The following PCNT variants were observed in gnomAD, a reference collection of about 807,000 sequenced individuals.
PCNT encodes the protein pericentrin, also known as kendrin.
Under a neutral mutation model 380.4 loss-of-function variants are expected in PCNT, and 319 were observed. The observed-to-expected ratio is 0.84, with a 90% CI of 0.77 to 0.92. The LOEUF is 0.92. Among genes scored for constraint, PCNT ranks in the 40% least tolerant of loss-of-function variants. The pLI is 0.00. For synonymous variants in PCNT, 1,845 were observed against 1,735.2 expected (o/e 1.06, Z -1.57); for missense variants, 4,400 against 4,255.3 (o/e 1.03, Z -0.95).
chr21:46,415,150 A>G (rs2086973260), intron 29 of PCNT, among the ~76,000 whole-genome samples: 1 of 152,176 alleles, frequency 6.6e-6, no homozygotes, highest in African/African-American at 2.4e-5. Flanking sequence ...CTGGGTCCAC[A>G]CTGCGTGCAC....
chr21:46,402,429 C>A lies in PCNT; in HGVS notation c.5061C>A (p.Asn1687Lys). The change falls in exon 27 of 47, where the codon AAC becomes AAA. Residue 1687 changes from asparagine to lysine, a missense_variant. Physicochemically the swap from Asn to Lys is moderately conservative, Grantham distance 94. Coordinates refer to ENST00000359568, the MANE Select transcript of PCNT (RefSeq NM_006031.6). ...LHLNLKLDMQ[N>K]SQTAVSLREL... ...TGAACTTAAAATTGGACATGCAGAA[C>A]AGCCAGACTGCTGTCAGCCTCAGAG... is the stretch of plus-strand genomic sequence containing the variant. 6.2e-7 allele frequency: 1 copy of A among 1,613,928 alleles called. No homozygotes were observed. Among genetic ancestry groups the A allele is most frequent in the Non-Finnish European group, 8.5e-7 (1 of 1,179,832 alleles).
chr21:46,365,721 T>TGTGGGGTTCTATTCACTGCC, intron 14 of PCNT, among the ~76,000 whole-genome samples: 1 of 112,446 alleles, frequency 8.9e-6, no homozygotes, highest in Non-Finnish European at 1.9e-5. Flanking sequence ...TGTTCACTGC[T>TGTGGGGTTCTATTCACTGCC]GTGGGGTTCT....
At chr21:46,389,005 C>T in intron 18 of PCNT, 121 bp downstream of exon 18, 1 of 1,450,246 alleles carries the variant, frequency 6.9e-7, no homozygotes, top group Non-Finnish European at 9.4e-7. Context: ...TCCTGGTTTC[C>T]TGCTAGTTTC....
Position 46,326,511 on chromosome 21 carries a change from C to T in PCNT, c.189C>T (p.Leu63=). 1.2e-6 allele frequency: 2 copies of T among 1,614,200 alleles called. No homozygotes were observed. Among genetic ancestry groups the T allele is most frequent in the Middle Eastern group, 1.6e-4 (1 of 6,062 alleles). ...CGGTAACCAAGGAGGACAGCGCACTCTGTGGAGGAGGGGACATTTGCAAAA... is the reference window on the plus strand; with the variant it reads ...CGGTAACCAAGGAGGACAGCGCACTTTGTGGAGGAGGGGACATTTGCAAAA... ...ESPVTKEDSA[L]CGGGDICKST... The change falls in exon 2 of 47, where the codon CTC becomes CTT. Residue 63 remains leucine, a synonymous_variant. Coordinates refer to ENST00000359568, the MANE Select transcript of PCNT (RefSeq NM_006031.6).
chr21:46,441,050 C>T lies in PCNT; in HGVS notation c.9589C>T (p.Arg3197Cys), dbSNP rs752616743. 28 of 1,613,816 alleles carry T rather than the reference C, an allele frequency of 1.7e-5. No homozygotes were observed. In the East Asian group the frequency reaches 1.8e-4, roughly 10 times the overall value. Residue 3197 changes from arginine (R) to cysteine (C), a missense_variant, in exon 43 of 47, where the codon CGC (arginine) becomes TGC (cysteine). Coordinates refer to ENST00000359568, the MANE Select transcript of PCNT (RefSeq NM_006031.6). Reference protein sequence around the residue: ...KITSRPFTRFRTAVRVVIAIL... With the variant: ...KITSRPFTRFCTAVRVVIAIL... Reference sequence around the variant, plus strand: ...CACATCTCGTCCTTTCACCAGGTTCCGCACGGCCGTCAGGGTGGTCATTGC... The same window carrying T: ...CACATCTCGTCCTTTCACCAGGTTCTGCACGGCCGTCAGGGTGGTCATTGC...
At chr21:46,368,213 A>G (rs889448294) in intron 15 of PCNT, among the ~76,000 whole-genome samples, 2 of 152,202 alleles carry the variant, frequency 1.3e-5, no homozygotes, top group Non-Finnish European at 2.9e-5. Context: ...TGGGAGGCCA[A>G]GGCGGGCAGA....
rs143511166 is a variant in PCNT, at chr21:46,425,823, C to T, written c.7180-8C>T. 1.8e-3 allele frequency: 2,942 copies of T among 1,613,344 alleles called. 7 individuals are homozygous for T. Among genetic ancestry groups the T allele is most frequent in the Non-Finnish European group, 2.1e-3 (2,432 of 1,179,974 alleles). On this transcript the variant is annotated splice_region_variant and splice_polypyrimidine_tract_variant and intron_variant, in intron 32 of 46. Transcript: ENST00000359568. The surrounding 1 kb of genome is among the most constrained non-coding windows in gnomAD (Gnocchi z 4.2). ...GCAACTCCCTTCTGACGCGCTTTCC[C>T]GCCACAGGCTTTACTGCAGATGGTG... is the stretch of plus-strand genomic sequence containing the variant.
Position 46,363,890 on chromosome 21 carries a change from C to T in PCNT, c.2565C>T (p.His855=), listed in dbSNP as rs1042019863. 4.3e-6 allele frequency: 7 copies of T among 1,611,848 alleles called. No homozygotes were observed. The highest frequency in any genetic ancestry group is 1.7e-5 in the Admixed American group (1 of 60,014). The change falls in exon 14 of 47, where the codon CAC becomes CAT. Residue 855 remains histidine (H), a synonymous_variant. Coordinates refer to ENST00000359568, the MANE Select transcript of PCNT (RefSeq NM_006031.6). The part of the protein sequence containing the change: ...TAQDGELAAL[H]VKEDCALQLM... ...AGGACGGGGAGCTTGCTGCGCTCCA[C>T]GTGAAGGAAGACTGCGCCCTGCAGC...
intron 15 of PCNT, among the ~76,000 whole-genome samples, chr21:46,371,214 CTTTTTTT>C (rs924903931): frequency 2.9e-5 from 4 of 136,806 alleles, no homozygotes; most frequent in South Asian, 2.4e-4. Flanking sequence ...TTCTTTCTTT[CTTTTTTT>C]TTTTTTTTTT....
At chr21:46,362,619 G>A (rs1043307480) in intron 13 of PCNT, among the ~76,000 whole-genome samples, 1 of 152,078 alleles carries the variant, frequency 6.6e-6, no homozygotes, top group African/African-American at 2.4e-5. Context: ...GATGAGTTCA[G>A]TAGTTTATTG....
At chr21:46,414,613 C>T (rs1374434980) in intron 29 of PCNT, among the ~76,000 whole-genome samples, 2 of 149,638 alleles carry the variant, frequency 1.3e-5, no homozygotes, top group African/African-American at 2.5e-5. Flanking sequence ...CCTCCTCCTC[C>T]TCCTGGACAC....
At position 46,388,606 on chromosome 21, in the gene PCNT, A is replaced by G. The variant is rs2085921211; in HGVS notation, c.3465-136A>G. ...CTGTGCTCACATGGGCATGAGGATC[A>G]TGTCTTCCGGCCCCGTGGGGACAGG... On this transcript the variant is annotated intron_variant, in intron 17 of 46. Coordinates refer to ENST00000359568, the MANE Select transcript of PCNT (RefSeq NM_006031.6). This position sits in a 1 kb window ranked among gnomAD's most constrained non-coding sequence, Gnocchi z 4.2. 6 of 1,091,670 alleles carry G rather than the reference A, an allele frequency of 5.5e-6. No individual in the cohort carries two copies. The highest frequency in any genetic ancestry group is 1.3e-5 in the South Asian group (1 of 78,484). 67.6% of individuals were successfully genotyped at this position (1,091,670 alleles called of 1,614,324 possible). A position where few individuals can be genotyped will look rare whatever the true frequency, so the allele number is the denominator to read the frequency against.
chr21:46,381,991 A>T, intron 16 of PCNT, 151 bp downstream of exon 16: 1 of 775,534 alleles, frequency 1.3e-6, no homozygotes, highest in East Asian at 3.2e-5. Flanking sequence ...GCGCATTCAC[A>T]GTGTTGTAGA....
chr21:46,391,287 C>T lies in PCNT; in HGVS notation c.4127C>T (p.Ala1376Val). 6.3e-7 allele frequency: 1 copy of T among 1,585,650 alleles called. No individual in the cohort carries two copies. Among genetic ancestry groups the T allele is most frequent in the Non-Finnish European group, 8.6e-7 (1 of 1,166,226 alleles). Residue 1376 changes from alanine (A) to valine (V), a missense_variant, in exon 21 of 47, where the codon GCC (alanine) becomes GTC (valine). Transcript: ENST00000359568. ...ESLRRQLQQA[A>V]QEQAALREEC... The stretch of plus-strand genomic sequence containing the variant: ...CTGAGACGGCAGCTGCAGCAGGCGG[C>T]CCAGGAGCAGGCGGCGCTGAGGGAG...
chr21:46,339,405 GGATA>G (rs373043429), intron 3 of PCNT, among the ~76,000 whole-genome samples: 4 of 152,314 alleles, frequency 2.6e-5, no homozygotes, highest in Non-Finnish European at 5.9e-5. Flanking sequence ...AGAACTAAAA[GGATA>G]GATAGACATA....
chr21:46,417,623 G>A (rs1311368967), intron 30 of PCNT, among the ~76,000 whole-genome samples: 3 of 152,158 alleles, frequency 2.0e-5, no homozygotes, highest in Admixed American at 1.3e-4. Flanking sequence ...TAAAAATCAG[G>A]TATGGTTGGG....
At chr21:46,392,925 G>T (rs1247457678) in intron 21 of PCNT, among the ~76,000 whole-genome samples, 1 of 152,098 alleles carries the variant, frequency 6.6e-6, no homozygotes, top group Non-Finnish European at 1.5e-5. Flanking sequence ...TGTTTTAGTT[G>T]TGCCTTGTAT....
At position 46,425,889 on chromosome 21, in the gene PCNT, T is replaced by G; in HGVS notation, c.7238T>G (p.Leu2413Arg). 6.2e-7 allele frequency: 1 copy of G among 1,613,740 alleles called. No individual in the cohort carries two copies. Among genetic ancestry groups the G allele is most frequent in the Non-Finnish European group, 8.5e-7 (1 of 1,179,980 alleles). ...CAGATCCTGGCGCTGTCAGAAGGCC[T>G]TGCACCCCCAAGCGGCGAGCCACAC... ...SHQILALSEG[L>R]APPSGEPHPP... is the part of the protein sequence containing the mutation. The change falls in exon 33 of 47, where the codon CTT becomes CGT. Residue 2413 changes from leucine to arginine, a missense_variant. Transcript: ENST00000359568. The surrounding 1 kb of genome is among the most constrained non-coding windows in gnomAD (Gnocchi z 4.2).
intron 33 of PCNT, among the ~76,000 whole-genome samples, chr21:46,427,406 C>T (rs763276895): frequency 1.3e-5 from 2 of 152,150 alleles, no homozygotes; most frequent in Non-Finnish European, 2.9e-5. Flanking sequence ...GGTGTAGGCG[C>T]CCTTCCTGGT....
Sources: allele counts gnomAD v4.1 joint callset (sites outside exome capture counted in the v4.1 genomes callset), GRCh38; gene constraint gnomAD v4.1.1; non-coding constraint Gnocchi (gnomAD v3.1); transcripts MANE v1.5; gene names NCBI Gene and HGNC (gene_info 2026-07-23, HGNC 2026-07-21).